WASHC4: variants seen among roughly 807,000 people sequenced by gnomAD.
WASHC4 encodes WASH complex subunit 4.
In WASHC4, 86 loss-of-function variants were observed where a neutral mutation model predicts 166.6. The ratio of observed to expected loss-of-function variants is 0.52; its 90% CI spans 0.43 to 0.62. The LOEUF is 0.62. Among genes scored for constraint, WASHC4 ranks in the 20% least tolerant of loss-of-function variants. WASHC4 has a pLI of 0.00. For synonymous variants in WASHC4, 446 were observed against 451.6 expected (o/e 0.99, Z 0.16); for missense variants, 1,262 against 1,382.4 (o/e 0.91, Z 1.38).
In WASHC4 at chr12:105,133,785, C is replaced by T. The variant is rs755470124; in HGVS notation, c.1215C>T (p.Tyr405=). The stretch of plus-strand genomic sequence containing the variant: ...CCTTTGTTAGAGATGTACAGTCTTA[C>T]TACGTCTTTGTGAGCTCATGGATGA... ...AQSLTKDVQS[Y]YVFVSSWMMK... The change falls in exon 14 of 33, where the codon TAC becomes TAT. Residue 405 remains tyrosine, a synonymous_variant. Coordinates refer to ENST00000332180, the MANE Select transcript of WASHC4 (RefSeq NM_015275.3). The T allele has an allele frequency of 1.2e-6, 2 of 1,612,304 alleles. No individual in the cohort carries two copies. The highest frequency in any genetic ancestry group is 4.5e-5 in the East Asian group (2 of 44,684).
chr12:105,143,061 T>C, intron 19 of WASHC4, 66 bp from the exon 20 acceptor site: 1 of 928,584 alleles, frequency 1.1e-6, no homozygotes, highest in Non-Finnish European at 1.8e-6. Flanking sequence ...AATTAACTTT[T>C]GCAGTATTGT....
Position 105,156,714 on chromosome 12 carries a change from G to A in WASHC4, c.2759-12G>A. On this transcript the variant is annotated splice_polypyrimidine_tract_variant and intron_variant, in intron 26 of 32. Transcript: ENST00000332180. ...TTATATAAATATCTGATTTTTTTGT[G>A]TGGTTTTTAAGGTAATGCTATGGGC... 1 of 1,597,626 alleles carries A rather than the reference G, an allele frequency of 6.3e-7. No individual in the cohort carries two copies.
Position 105,138,066 on chromosome 12 carries a change from A to G in WASHC4, c.1452+55A>G, listed in dbSNP as rs1157662928. ...CATAATTGAGAAATGACCCAGGCTT[A>G]AATTAGGATAATCTTGTAAGGTTTG... On this transcript the variant is annotated intron_variant, in intron 15 of 32. Transcript: ENST00000332180. 3 of 1,558,498 alleles carry G rather than the reference A, an allele frequency of 1.9e-6. No individual in the cohort carries two copies. The African/African-American group carries it at 4.1e-5, about 21-fold the overall frequency.
intron 26 of WASHC4, among the ~76,000 whole-genome samples, chr12:105,154,162 AT>A (rs1415119228): frequency 1.3e-5 from 2 of 151,522 alleles, no homozygotes; most frequent in East Asian, 3.9e-4. Flanking sequence ...TCCTTAGTAT[AT>A]GGGACTTCAG....
At chr12:105,131,632 C>T (rs1881829808) in intron 13 of WASHC4, among the ~76,000 whole-genome samples, 1 of 152,138 alleles carries the variant, frequency 6.6e-6, no homozygotes, top group Non-Finnish European at 1.5e-5. Context: ...TCTGTTCTCT[C>T]CTGTACATGG....
chr12:105,142,200 T>C (rs1226537201), intron 18 of WASHC4, among the ~76,000 whole-genome samples: 2 of 152,154 alleles, frequency 1.3e-5, no homozygotes, highest in Non-Finnish European at 2.9e-5. Flanking sequence ...ATTATGCATA[T>C]CATTTTTCAA....
Position 105,148,198 on chromosome 12 carries a change from C to T in WASHC4, c.2514+1052C>T. 6 of 985,092 alleles carry T rather than the reference C, an allele frequency of 6.1e-6. No homozygotes were observed. The South Asian group carries it at 2.8e-4, about 46-fold the overall frequency. 61.0% of individuals were successfully genotyped at this position (985,092 alleles called of 1,614,324 possible). On this transcript the variant is annotated intron_variant, in intron 24 of 32. Transcript: ENST00000332180. ...GCCAATGAGTGATATGATTGGAGCT[C>T]CATTATAGTGGGGTTATCAATATAG...
At chr12:105,151,132 C>G (rs143512331) in intron 25 of WASHC4, among the ~76,000 whole-genome samples, 6,419 of 102,576 alleles carry the variant, frequency 0.063, 347 homozygotes, top group East Asian at 0.27. Context: ...GTGACAAGAG[C>G]AAGACTCTGT....
chr12:105,158,215 A>G (rs1884294686), intron 28 of WASHC4, among the ~76,000 whole-genome samples: 1 of 152,218 alleles, frequency 6.6e-6, no homozygotes, highest in East Asian at 1.9e-4. Flanking sequence ...AAATCAAGCA[A>G]GAATCCCCAG....
chr12:105,144,504 T>C (rs2135801434), intron 21 of WASHC4, 49 bp downstream of exon 21: 1 of 1,523,596 alleles, frequency 6.6e-7, no homozygotes. Flanking sequence ...TTTTTTTTTT[T>C]TTTTACCCTA....
intron 5 of WASHC4, 67 bp downstream of exon 5, chr12:105,115,296 T>C (rs1355282939): frequency 1.1e-6 from 1 of 944,136 alleles, no homozygotes; most frequent in Admixed American, 1.7e-5. Context: ...TAACAGACAA[T>C]TTTAGGACTA....
intron 15 of WASHC4, 96 bp downstream of exon 15, chr12:105,138,107 G>A (rs1882473184): frequency 2.4e-6 from 3 of 1,239,304 alleles, no homozygotes; most frequent in Non-Finnish European, 3.4e-6. Flanking sequence ...ATGATTATAT[G>A]AGAACAGAAA....
chr12:105,150,229 A>T (rs1454709792), intron 25 of WASHC4, among the ~76,000 whole-genome samples: 1 of 152,238 alleles, frequency 6.6e-6, no homozygotes, highest in African/African-American at 2.4e-5. Flanking sequence ...CTTCAAGTTG[A>T]TAGGGATACA....
Position 105,149,761 on chromosome 12 carries a change from A to T in WASHC4, c.2649+12A>T. 6.3e-7 allele frequency: 1 copy of T among 1,587,926 alleles called. No homozygotes were observed. The highest frequency in any genetic ancestry group is 8.6e-7 in the Non-Finnish European group (1 of 1,162,340). On this transcript the variant is annotated intron_variant, in intron 25 of 32. Transcript: ENST00000332180. ...AAAATGATCATAAGGTAGGCTACCTATTCTTTTTAAGGTATTTGATTAAGC... is the reference window on the plus strand; with the variant it reads ...AAAATGATCATAAGGTAGGCTACCTTTTCTTTTTAAGGTATTTGATTAAGC...
At chr12:105,144,607 T>G in intron 21 of WASHC4, 111 bp from the exon 22 acceptor site, 1 of 1,172,756 alleles carries the variant, frequency 8.5e-7, no homozygotes. Context: ...TAATACCTTA[T>G]TTTAAAGGAA....
intron 13 of WASHC4, among the ~76,000 whole-genome samples, chr12:105,127,934 G>A (rs963855327): frequency 6.6e-6 from 1 of 151,988 alleles, no homozygotes; most frequent in African/African-American, 2.4e-5. Context: ...GAGCCCCTAC[G>A]TTCCCATCAC....
In WASHC4 at chr12:105,143,129, C is replaced by T. The variant is rs1883007054; in HGVS notation, c.1896C>T (p.Tyr632=). The change falls in exon 20 of 33, where the codon TAC becomes TAT. Residue 632 remains tyrosine (Y), a splice_region_variant and synonymous_variant. Coordinates refer to ENST00000332180, the MANE Select transcript of WASHC4 (RefSeq NM_015275.3). ...ENAVDAARLH[Y]MFSALRDCVP... is the part of the protein sequence containing the mutation. ...GTACATTTTAATTTTCTTCTTAGTA[C>T]ATGTTCAGTGCTTTGCGCGACTGTG... The T allele has an allele frequency of 6.3e-7, 1 of 1,593,960 alleles. No individual in the cohort carries two copies. Among genetic ancestry groups the T allele is most frequent in the Non-Finnish European group, 8.6e-7 (1 of 1,162,298 alleles).
At position 105,166,870 on chromosome 12, in the gene WASHC4, C is replaced by T. The variant is rs1405442601; in HGVS notation, c.3461C>T (p.Thr1154Ile). 3 of 1,599,588 alleles carry T rather than the reference C, an allele frequency of 1.9e-6. No homozygotes were observed. In the Admixed American group the frequency reaches 5.0e-5, roughly 27 times the overall value. Reference sequence around the variant, plus strand: ...TTTTCACTCATGCTTTCAGAAGAAACTAAAACAAGCAATGGAGACCTGTCT... The same window carrying T: ...TTTTCACTCATGCTTTCAGAAGAAATTAAAACAAGCAATGGAGACCTGTCT... ...NQEKKEKEEE[T>I]KTSNGDLSDS... The change falls in exon 33 of 33, where the codon ACT becomes ATT. Residue 1154 changes from threonine to isoleucine, a missense_variant. By Grantham distance (89) the Thr-to-Ile change is moderately conservative. Transcript: ENST00000332180.
At chr12:105,151,855 CTTA>C (rs1025896950) in intron 25 of WASHC4, among the ~76,000 whole-genome samples, 5 of 152,274 alleles carry the variant, frequency 3.3e-5, no homozygotes, top group African/African-American at 1.2e-4. Context: ...GAATTGCTTT[CTTA>C]TTATTACAAA....
Sources: gnomAD v4.1 joint callset for allele counts (sites outside exome capture counted in the v4.1 genomes callset) on GRCh38, gnomAD v4.1.1 for gene constraint, MANE v1.5 for transcripts, NCBI Gene and HGNC (gene_info 2026-07-23, HGNC 2026-07-21) for gene names.